The following NOMO2 variants were observed in gnomAD, a reference collection of about 807,000 sequenced individuals.
NOMO2 encodes NODAL modulator 2.
A neutral mutation model predicts 67.1 loss-of-function variants in NOMO2; 14 were observed. The observed-to-expected ratio is 0.21, with a 90% CI of 0.14 to 0.33. The LOEUF (loss-of-function observed/expected upper bound fraction) is 0.33. Ranked by LOEUF, NOMO2 falls within the 10% of genes least tolerant of loss-of-function variation. The probability of loss-of-function intolerance (pLI) is 1.00; values close to 1 mark genes in which losing one functional copy is unlikely to be tolerated. For missense variants in NOMO2, 178 were observed against 761.0 expected (o/e 0.23, Z 9.01); for synonymous variants, 80 against 305.9 (o/e 0.26, Z 7.71).
chr16:18,556,405 T>C (rs536918458), intron 2 of NOMO2, among the ~76,000 whole-genome samples: 3 of 150,156 alleles, frequency 2.0e-5, no homozygotes, highest in Non-Finnish European at 3.0e-5. Context: ...ATCGCGCCAC[T>C]GCACTCCAGC....
At chr16:18,534,974 T>C (rs1412800488) in intron 11 of NOMO2, among the ~76,000 whole-genome samples, 1 of 34,434 alleles carries the variant, frequency 2.9e-5, no homozygotes, top group Admixed American at 3.5e-4. Flanking sequence ...AGAAATCTAT[T>C]TTCACAGTCA....
intron 1 of NOMO2, 87 bp from the exon 2 acceptor site, chr16:18,557,878 A>G: frequency 1.3e-6 from 2 of 1,592,448 alleles, no homozygotes; most frequent in Non-Finnish European, 1.7e-6. Context: ...CTCAGTCAGT[A>G]TACATTCACT....
intron 6 of NOMO2, among the ~76,000 whole-genome samples, chr16:18,544,180 CACCG>C (rs1901615222): frequency 6.6e-6 from 1 of 151,810 alleles, no homozygotes; most frequent in African/African-American, 2.4e-5. Flanking sequence ...AGGTGTGAGC[CACCG>C]TGCCTGGCTT....
intron 6 of NOMO2, among the ~76,000 whole-genome samples, chr16:18,545,333 A>G (rs1901642823): frequency 6.6e-6 from 1 of 151,080 alleles, no homozygotes; most frequent in Admixed American, 6.6e-5. Flanking sequence ...CCTGACCTCA[A>G]GTGATCCACC....
chr16:18,559,597 C>T (rs1901991699), intron 1 of NOMO2, among the ~76,000 whole-genome samples: 1 of 152,022 alleles, frequency 6.6e-6, no homozygotes, highest in South Asian at 2.1e-4. Context: ...GTGCCTGAGA[C>T]AGTGTCTTGC....
chr16:18,535,316 C>CA (rs1476155938), intron 11 of NOMO2, among the ~76,000 whole-genome samples: 8 of 149,504 alleles, frequency 5.4e-5, no homozygotes, highest in African/African-American at 1.5e-4. Context: ...GACCCTGTCT[C>CA]AAAAAAAAAT....
chr16:18,534,270 G>A (rs1233135560), intron 11 of NOMO2, among the ~76,000 whole-genome samples: 4 of 151,236 alleles, frequency 2.6e-5, no homozygotes, highest in African/African-American at 9.7e-5. Context: ...ACCACCCAAG[G>A]ACCCCCCTCC....
intron 11 of NOMO2, among the ~76,000 whole-genome samples, chr16:18,537,022 C>T (rs1216389398): frequency 1.3e-5 from 2 of 149,208 alleles, no homozygotes; most frequent in South Asian, 2.1e-4. Flanking sequence ...TATGACCTCA[C>T]GCTCCCTAGG....
At chr16:18,554,356 A>C (rs1172518026) in intron 3 of NOMO2, among the ~76,000 whole-genome samples, 2 of 151,910 alleles carry the variant, frequency 1.3e-5, no homozygotes, top group African/African-American at 4.8e-5. Flanking sequence ...GTAAGGTATA[A>C]GGCTGACAGT....
rs1270360932 is a variant in NOMO2 at position 18,526,987 on chromosome 16, C to T, written c.1894+550G>A. Among the ~76,000 whole-genome samples, 4 of 150,478 alleles carry T rather than the reference C, an allele frequency of 2.7e-5. No individual in the cohort carries two copies. In the East Asian group the frequency reaches 5.9e-4, roughly 22 times the overall value. On this transcript the variant is annotated intron_variant, in intron 16 of 30. Coordinates refer to ENST00000622306, the MANE Select transcript of NOMO2 (RefSeq NM_173614.4). ...ATCCCAGCACTTTGGGAGGCTGAGGCGGGCGGATCACTTTAGGTCAGGAGT... is the reference window on the plus strand; with the variant it reads ...ATCCCAGCACTTTGGGAGGCTGAGGTGGGCGGATCACTTTAGGTCAGGAGT...
Position 18,542,158 on chromosome 16 carries a change from CAGAAA to C in NOMO2, c.963+9_963+13del. The C allele has an allele frequency of 2.5e-6, 1 of 398,620 alleles. No homozygotes were observed. The highest frequency in any genetic ancestry group is 2.3e-5 in the South Asian group (1 of 42,798). The allele number at this position is 398,620 out of a possible 1,614,324, so 24.7% of individuals were successfully genotyped here. On this transcript the variant is annotated intron_variant, in intron 9 of 30. Coordinates refer to ENST00000622306, the MANE Select transcript of NOMO2 (RefSeq NM_173614.4). ...CTCAAACACCTGTCCCTCCAGAAGA[CAGAAA>C]AGCCTTACCTCGATTTTCAAGCTGT...
chr16:18,526,080 G>A (rs2141714117), intron 16 of NOMO2, among the ~76,000 whole-genome samples: 1 of 151,924 alleles, frequency 6.6e-6, no homozygotes, highest in South Asian at 2.1e-4. Flanking sequence ...CAGAGTGGCT[G>A]GAGTAGAGAC....
chr16:18,560,148 A>C (rs1301102100), intron 1 of NOMO2, among the ~76,000 whole-genome samples: 1 of 151,956 alleles, frequency 6.6e-6, no homozygotes, highest in Non-Finnish European at 1.5e-5. Context: ...TACATCTTTC[A>C]TAAAGTACAA....
Position 18,561,185 on chromosome 16 carries a change from A to AC in NOMO2, c.165+690_165+691insG, listed in dbSNP as rs779946688. On this transcript the variant is annotated intron_variant, in intron 1 of 30. Transcript: ENST00000622306. Reference sequence around the variant, plus strand: ...TTTACAACTTAATTAAAAAAAAAAAAAAAAAAAAAAAAAAAAAAAAAACCT... The same window carrying AC: ...TTTACAACTTAATTAAAAAAAAAAAACAAAAAAAAAAAAAAAAAAAAAACCT... 6.3e-4 allele frequency among the ~76,000 whole-genome samples: 82 copies of AC among 131,114 alleles called. 1 individual carries two copies. Among genetic ancestry groups the AC allele is most frequent in the East Asian group, 1.6e-3 (7 of 4,452 alleles). 86.0% of individuals were successfully genotyped at this position (131,114 alleles called of 152,430 possible). A position where few individuals can be genotyped will look rare whatever the true frequency, so the allele number is the denominator to read the frequency against.
chr16:18,555,505 AGC>A (rs1901882862), intron 2 of NOMO2, among the ~76,000 whole-genome samples: 1 of 150,458 alleles, frequency 6.6e-6, no homozygotes, highest in Admixed American at 6.6e-5. Flanking sequence ...CCTGCACTCC[AGC>A]ATGGGCAGCG....
At chr16:18,541,900 T>G (rs1347130199) in intron 9 of NOMO2, among the ~76,000 whole-genome samples, 1 of 121,014 alleles carries the variant, frequency 8.3e-6, no homozygotes. Flanking sequence ...TTGCCTCTTT[T>G]GGTCACTGCT....
chr16:18,549,290 G>C (rs528524647), intron 5 of NOMO2, among the ~76,000 whole-genome samples: 51 of 149,902 alleles, frequency 3.4e-4, no homozygotes, highest in Non-Finnish European at 6.3e-4. Context: ...TGCCTGGCCA[G>C]TATGAACTCA....
At position 18,548,411 on chromosome 16, in the gene NOMO2, C is replaced by A. The variant is rs1228205081; in HGVS notation, c.509+1110G>T. ...AATAACTTTAAAATTGAATAACTTACTGACAGACTCATTATAAACTTCTAT... is the reference window on the plus strand; with the variant it reads ...AATAACTTTAAAATTGAATAACTTAATGACAGACTCATTATAAACTTCTAT... On this transcript the variant is annotated intron_variant, in intron 5 of 30. Transcript: ENST00000622306. Among the ~76,000 whole-genome samples, 3 of 151,370 alleles carry A rather than the reference C, an allele frequency of 2.0e-5. No homozygotes were observed. In the East Asian group the frequency reaches 5.9e-4, roughly 30 times the overall value.
chr16:18,520,370 T>TCATTCATC (rs1901030353), intron 20 of NOMO2, among the ~76,000 whole-genome samples: 1 of 115,974 alleles, frequency 8.6e-6, no homozygotes, highest in Non-Finnish European at 1.9e-5. Flanking sequence ...AATCATTCAT[T>TCATTCATC]CATCCATCCA....
Sources: gnomAD v4.1 joint callset for allele counts (sites outside exome capture counted in the v4.1 genomes callset) on GRCh38, gnomAD v4.1.1 for gene constraint, MANE v1.5 for transcripts, NCBI Gene and HGNC (gene_info 2026-07-23, HGNC 2026-07-21) for gene names.